Variants in CDK14 observed in about 807,000 individuals in gnomAD.
The protein encoded by CDK14 is cyclin-dependent kinase 14.
In CDK14, 34 loss-of-function variants were observed where a neutral mutation model predicts 60.7. The observed-to-expected ratio is 0.56, with a 90% confidence interval of 0.43 to 0.75. The LOEUF is 0.75. Ranked by LOEUF, CDK14 falls within the 30% of genes least tolerant of loss-of-function variation. The pLI is 0.00. For synonymous variants in CDK14, 197 were observed against 203.7 expected (o/e 0.97, Z 0.28); for missense variants, 482 against 564.1 (o/e 0.85, Z 1.47).
intron 12 of CDK14, among the ~76,000 whole-genome samples, chr7:91,086,078 A>G (rs1180192540): frequency 1.3e-5 from 2 of 152,208 alleles, no homozygotes; most frequent in African/African-American, 4.8e-5. Context: ...AGATCATTTA[A>G]ATGCTCGTCA....
intron 10 of CDK14, among the ~76,000 whole-genome samples, chr7:91,016,260 A>T (rs1241907598): frequency 6.6e-6 from 1 of 151,928 alleles, no homozygotes; most frequent in African/African-American, 2.4e-5. Context: ...GACAAAACAT[A>T]GTACTCTAAC....
At chr7:90,976,370 T>C (rs62468486) in intron 9 of CDK14, among the ~76,000 whole-genome samples, 5,263 of 152,164 alleles carry the variant, frequency 0.035, 116 homozygotes, top group South Asian at 0.071. Flanking sequence ...TTTTTTCTTT[T>C]AAAGAGACAG....
At chr7:90,977,916 C>T (rs1007009083) in intron 9 of CDK14, among the ~76,000 whole-genome samples, 1 of 152,096 alleles carries the variant, frequency 6.6e-6, no homozygotes, top group African/African-American at 2.4e-5. Context: ...AGAGGAGACA[C>T]ACCCCCAAAA....
In CDK14 at chr7:91,062,751, A is replaced by G. The variant is rs143231318; in HGVS notation, c.1106-16681A>G. On this transcript the variant is annotated intron_variant, in intron 11 of 14. Transcript: ENST00000380050. ...AGCTCAGTGAGGAAAATACTGTTTC[A>G]TGACACAAAAACAAACCACCCCAAA... Among the ~76,000 whole-genome samples, 52 of 152,220 alleles carry G rather than the reference A, an allele frequency of 3.4e-4. No homozygotes were observed. In the South Asian group the frequency reaches 5.6e-3, roughly 16 times the overall value.
intron 6 of CDK14, among the ~76,000 whole-genome samples, chr7:90,881,529 A>G (rs1217365586): frequency 2.0e-5 from 3 of 152,184 alleles, no homozygotes; most frequent in Non-Finnish European, 2.9e-5. Context: ...TATTATGCAG[A>G]AGAACTTCCC....
chr7:91,091,463 T>C (rs2116273058), intron 12 of CDK14, among the ~76,000 whole-genome samples: 1 of 133,392 alleles, frequency 7.5e-6, no homozygotes, highest in African/African-American at 2.8e-5. Context: ...AATTTATATA[T>C]AATATATATA....
chr7:90,800,276 A>G (rs1387239900), intron 5 of CDK14, among the ~76,000 whole-genome samples: 2 of 152,176 alleles, frequency 1.3e-5, no homozygotes. Context: ...AAAAAGAGAT[A>G]AAGGAAAAAG....
At chr7:91,071,896 G>T (rs961078593) in intron 11 of CDK14, among the ~76,000 whole-genome samples, 2 of 152,232 alleles carry the variant, frequency 1.3e-5, no homozygotes, top group African/African-American at 4.8e-5. Flanking sequence ...GGCTGTGGCA[G>T]ATTGTGGCCA....
At chr7:90,772,903 A>G (rs1804848783) in intron 4 of CDK14, among the ~76,000 whole-genome samples, 1 of 152,166 alleles carries the variant, frequency 6.6e-6, no homozygotes, top group South Asian at 2.1e-4. Flanking sequence ...TTACATATGA[A>G]AAAAACCTAG....
At chr7:90,853,023 A>C (rs1170981141) in intron 5 of CDK14, among the ~76,000 whole-genome samples, 1 of 152,138 alleles carries the variant, frequency 6.6e-6, no homozygotes, top group Non-Finnish European at 1.5e-5. Context: ...CAAAATCTGT[A>C]TTCATTTTTT....
chr7:90,802,227 A>G (rs1243649348), intron 5 of CDK14, among the ~76,000 whole-genome samples: 3 of 152,238 alleles, frequency 2.0e-5, no homozygotes, highest in African/African-American at 7.2e-5. Flanking sequence ...TTAATGCAAC[A>G]TTTGACCCTG....
chr7:90,650,934 A>G (rs1277403527), intron 2 of CDK14, among the ~76,000 whole-genome samples: 1 of 152,186 alleles, frequency 6.6e-6, no homozygotes, highest in Non-Finnish European at 1.5e-5. Flanking sequence ...TGTCTTGGCA[A>G]TGCGGGCTCT....
intron 11 of CDK14, among the ~76,000 whole-genome samples, chr7:91,078,598 C>A (rs989588662): frequency 2.0e-5 from 3 of 151,806 alleles, no homozygotes; most frequent in African/African-American, 7.3e-5. Context: ...CAGAGCAAGG[C>A]TCTGTCTGAA....
rs999184846 is a variant in CDK14 at position 90,635,832 on chromosome 7, C to T, written c.123+31583C>T. 6.9e-4 allele frequency among the ~76,000 whole-genome samples: 105 copies of T among 151,810 alleles called. 1 individual carries two copies. Among genetic ancestry groups the T allele is most frequent in the African/African-American group, 2.5e-3 (105 of 41,380 alleles). ...CATTGAGCAGTGGTTTGTAGTTCTC[C>T]TTGAAGAGGTCCTTCACGTCCCTTG... On this transcript the variant is annotated intron_variant, in intron 2 of 14. Transcript: ENST00000380050.
chr7:91,049,162 G>A (rs372895012), intron 11 of CDK14, among the ~76,000 whole-genome samples: 3 of 151,906 alleles, frequency 2.0e-5, no homozygotes, highest in Admixed American at 6.5e-5. Context: ...GATTACAGGC[G>A]TGAGCCGCCA....
chr7:91,119,324 T>A (rs1287423237), intron 14 of CDK14, among the ~76,000 whole-genome samples: 4 of 151,938 alleles, frequency 2.6e-5, no homozygotes, highest in Non-Finnish European at 5.9e-5. Flanking sequence ...CTACAAAAAA[T>A]ACAAAAATTA....
intron 14 of CDK14, among the ~76,000 whole-genome samples, chr7:91,176,192 C>T (rs1197140204): frequency 6.6e-6 from 1 of 152,022 alleles, no homozygotes; most frequent in Admixed American, 6.6e-5. Flanking sequence ...AACTGAACAA[C>T]CTGCTCCTGA....
intron 5 of CDK14, among the ~76,000 whole-genome samples, chr7:90,823,569 A>T (rs1033388410): frequency 6.6e-6 from 1 of 152,200 alleles, no homozygotes; most frequent in Non-Finnish European, 1.5e-5. Context: ...ATCAGATCGG[A>T]AAGGTGCAGG....
chr7:90,808,793 CA>C (rs904264914), intron 5 of CDK14, among the ~76,000 whole-genome samples: 4 of 151,416 alleles, frequency 2.6e-5, no homozygotes, highest in Non-Finnish European at 2.9e-5. Context: ...AAATGAAAAA[CA>C]AAAAAAGGCA....
Sources: gnomAD v4.1 joint callset for allele counts (sites outside exome capture counted in the v4.1 genomes callset) on GRCh38, gnomAD v4.1.1 for gene constraint, MANE v1.5 for transcripts, NCBI Gene and HGNC (gene_info 2026-07-23, HGNC 2026-07-21) for gene names.